Variants in CFI observed in about 807,000 individuals in gnomAD.
CFI encodes complement factor I.
CFI carries 66 observed loss-of-function variants against 78.8 expected under a neutral mutation model. The ratio of observed to expected loss-of-function variants is 0.84; its 90% CI spans 0.69 to 1.03. The LOEUF (loss-of-function observed/expected upper bound fraction) is 1.03, where lower values mean the gene tolerates loss of function less well. CFI is among the 50% of genes least tolerant of loss of function. The pLI, the probability that CFI is intolerant of heterozygous loss-of-function variation, is 0.00. For synonymous variants in CFI, 250 were observed against 232.6 expected, an observed-to-expected ratio of 1.07 and a Z score of -0.68; for missense variants, 706 against 704.5, an observed-to-expected ratio of 1.00 and a Z score of -0.02.
At chr4:109,793,788 G>C (rs1305200961) in intron 1 of CFI, 3 of 152,286 alleles carry the variant, frequency 2.0e-5, no homozygotes, top group African/African-American at 4.8e-5. Flanking sequence ...TTCCCCTAAA[G>C]TGCTGGGATT....
chr4:109,775,802 A>C (rs1729154706), intron 1 of CFI, among the ~76,000 whole-genome samples: 1 of 152,092 alleles, frequency 6.6e-6, no homozygotes, highest in Non-Finnish European at 1.5e-5. Flanking sequence ...CGAAGCTTCC[A>C]GAGGAAGCAA....
intron 1 of CFI, among the ~76,000 whole-genome samples, chr4:109,768,921 T>C (rs1728207946): frequency 6.6e-6 from 1 of 151,960 alleles, no homozygotes; most frequent in Non-Finnish European, 1.5e-5. Context: ...AATGACAAAT[T>C]GGTCATTCTG....
chr4:109,742,971 T>C (rs1457181692), intron 11 of CFI, among the ~76,000 whole-genome samples: 1 of 152,200 alleles, frequency 6.6e-6, no homozygotes, highest in East Asian at 1.9e-4. Context: ...TCCTTGAGAA[T>C]GTTTGTTAAA....
intron 8 of CFI, among the ~76,000 whole-genome samples, chr4:109,752,101 A>G (rs1261003312): frequency 6.6e-6 from 1 of 152,182 alleles, no homozygotes; most frequent in Non-Finnish European, 1.5e-5. Context: ...AATTCAATTA[A>G]CATCTATTAT....
chr4:109,756,913 GA>G (rs1358429671), intron 7 of CFI, among the ~76,000 whole-genome samples: 1 of 101,940 alleles, frequency 9.8e-6, no homozygotes, highest in Non-Finnish European at 2.1e-5. Flanking sequence ...AAGAAAGAAA[GA>G]AAGAAAGAAA....
chr4:109,783,832 T>C (rs1730384152), intron 1 of CFI, among the ~76,000 whole-genome samples: 1 of 141,198 alleles, frequency 7.1e-6, no homozygotes, highest in Non-Finnish European at 1.5e-5. Context: ...TATATATATA[T>C]ATGATGGAAT....
intron 3 of CFI, chr4:109,761,958 GGA>G: frequency 2.4e-6 from 1 of 420,642 alleles, no homozygotes; most frequent in Middle Eastern, 7.3e-4. Context: ...GGGAGGCCAA[GGA>G]GGGTGGATTA....
chr4:109,758,812 G>C (rs1295573336), intron 6 of CFI, among the ~76,000 whole-genome samples: 1 of 152,170 alleles, frequency 6.6e-6, no homozygotes, highest in East Asian at 1.9e-4. Context: ...CTTGCCTAAG[G>C]CCGGGCACAG....
the CFI span, among the ~76,000 whole-genome samples, chr4:109,733,781 T>G: frequency 6.6e-6 from 1 of 152,154 alleles, no homozygotes; most frequent in Non-Finnish European, 1.5e-5. Flanking sequence ...TAAATTTCAG[T>G]CATACCATAT....
rs188727314 is a variant in CFI, at chr4:109,740,897, A to G, written c.1748T>C (p.Val583Ala). Residue 583 changes from valine to alanine, a missense_variant, in exon 13 of 13, where the codon GTA becomes GCA. Transcript: ENST00000394634. Reference sequence around the variant, plus strand: ...ATGAAGAGAGAGATCACAATTTTATACATTGTACTGAGAAATAAAAGGCCT... The same window carrying G: ...ATGAAGAGAGAGATCACAATTTTATGCATTGTACTGAGAAATAAAAGGCCT... ...VGRPFISQYN[V>A] 1.2e-6 allele frequency: 2 copies of G among 1,612,376 alleles called. No individual in the cohort carries two copies. Among genetic ancestry groups the G allele is most frequent in the East Asian group, 2.2e-5 (1 of 44,874 alleles).
In CFI at chr4:109,752,344, A is replaced by G. The variant is rs548003024; in HGVS notation, c.940+124T>C. On this transcript the variant is annotated intron_variant, in intron 8 of 12. Coordinates refer to ENST00000394634, the MANE Select transcript of CFI (RefSeq NM_000204.5). The stretch of plus-strand genomic sequence containing the variant: ...AGAGAAAGGAGAATAATAATGTTAT[A>G]TTTTTTAATTTAAATTGATACCAAA... 1,454 of 817,678 alleles carry G rather than the reference A, an allele frequency of 1.8e-3. 7 individuals carry two copies. Among genetic ancestry groups the G allele is most frequent in the Middle Eastern group, 3.9e-3 (16 of 4,154 alleles). The allele number at this position is 817,678 out of a possible 1,614,324, so 50.7% of individuals were successfully genotyped here.
intron 10 of CFI, among the ~76,000 whole-genome samples, chr4:109,748,179 T>C (rs1724710039): frequency 6.6e-6 from 1 of 152,240 alleles, no homozygotes. Flanking sequence ...AGCTTTTGTT[T>C]ATAGTGTTCC....
At chr4:109,732,987 T>G in the CFI span, among the ~76,000 whole-genome samples, 1 of 152,130 alleles carries the variant, frequency 6.6e-6, no homozygotes, top group African/African-American at 2.4e-5. Flanking sequence ...ATATAAATTT[T>G]TTTTTTTTGA....
At position 109,750,151 on chromosome 4, in the gene CFI, C is replaced by G. The variant is rs558681970; in HGVS notation, c.941-549G>C. On this transcript the variant is annotated intron_variant, in intron 8 of 12. Transcript: ENST00000394634. ...AGCTGGGATTACAGGCGCCCACCCC[C>G]ACGCCCAGCTAATTTTTGTTTTTTT... 3.9e-5 allele frequency among the ~76,000 whole-genome samples: 6 copies of G among 152,110 alleles called. No homozygotes were observed. The South Asian group carries it at 8.3e-4, about 21-fold the overall frequency.
At chr4:109,800,146 A>T (rs533217920) in intron 1 of CFI, among the ~76,000 whole-genome samples, 2 of 152,052 alleles carry the variant, frequency 1.3e-5, no homozygotes, top group African/African-American at 4.8e-5. Flanking sequence ...TGTTTCCAGG[A>T]TGTTGTCATT....
intron 9 of CFI, 53 bp from the exon 10 acceptor site, chr4:109,749,374 C>G: frequency 6.5e-7 from 1 of 1,536,852 alleles, no homozygotes; most frequent in South Asian, 1.1e-5. Context: ...GCGATACAAA[C>G]AGCCCTAAGA....
rs78571767 is a variant in CFI at position 109,742,708 on chromosome 4, A to G, written c.1430-113T>C. Reference sequence around the variant, plus strand: ...AAAGGGTGTATAGTTTTCAATATATATAAATTTTTGAGAACTCTTCCTTAG... The same window carrying G: ...AAAGGGTGTATAGTTTTCAATATATGTAAATTTTTGAGAACTCTTCCTTAG... On this transcript the variant is annotated intron_variant, in intron 11 of 12. Coordinates refer to ENST00000394634, the MANE Select transcript of CFI (RefSeq NM_000204.5). 0.066 allele frequency: 47,174 copies of G among 710,756 alleles called. 1,970 individuals carry two copies. The highest frequency in any genetic ancestry group is 0.082 in the Non-Finnish European group (33,707 of 411,276). 44.0% of individuals were successfully genotyped at this position (710,756 alleles called of 1,614,324 possible).
chr4:109,749,476 T>G, intron 9 of CFI, 23 bp downstream of exon 9: 1 of 1,584,306 alleles, frequency 6.3e-7, no homozygotes. Context: ...GCAGTTGCAT[T>G]GTGACTTTTC....
chr4:109,767,700 C>A (rs1433719775), intron 1 of CFI, among the ~76,000 whole-genome samples: 2 of 150,460 alleles, frequency 1.3e-5, no homozygotes, highest in East Asian at 3.9e-4. Flanking sequence ...TAAACTAGTT[C>A]AACCATTGTG....
Sources: gnomAD v4.1 joint callset for allele counts (sites outside exome capture counted in the v4.1 genomes callset) on GRCh38, gnomAD v4.1.1 for gene constraint, MANE v1.5 for transcripts, NCBI Gene and HGNC (gene_info 2026-07-23, HGNC 2026-07-21) for gene names.